The following FER1L6 variants were observed in gnomAD, a reference collection of about 807,000 sequenced individuals.
FER1L6 encodes fer-1 like family member 6, also known as fer-1-like protein 6.
A neutral mutation model predicts 219.2 loss-of-function variants in FER1L6; 177 were observed. The ratio of observed to expected loss-of-function variants is 0.81; its 90% CI spans 0.71 to 0.91. The LOEUF (loss-of-function observed/expected upper bound fraction) is 0.91, where lower values mean the gene tolerates loss of function less well. FER1L6 is among the 40% of genes least tolerant of loss of function. The pLI, the probability that FER1L6 is intolerant of heterozygous loss-of-function variation, is 0.00. For missense variants in FER1L6, 2,153 were observed against 2,259.9 expected (o/e 0.95, Z 0.96); for synonymous variants, 768 against 824.3 (o/e 0.93, Z 1.17).
intron 1 of FER1L6, among the ~76,000 whole-genome samples, chr8:123,862,656 C>T (rs1184819323): frequency 2.8e-5 from 4 of 144,308 alleles, no homozygotes; most frequent in Non-Finnish European, 6.0e-5. Flanking sequence ...ACAATTTCAG[C>T]TCCTGTTATT....
chr8:124,083,602 A>C (rs1821669080), intron 33 of FER1L6, among the ~76,000 whole-genome samples: 1 of 149,304 alleles, frequency 6.7e-6, no homozygotes, highest in Non-Finnish European at 1.5e-5. Flanking sequence ...AAGAACTATA[A>C]AAAGACAAGA....
At chr8:123,886,468 A>G (rs1817205151) in intron 1 of FER1L6, among the ~76,000 whole-genome samples, 2 of 152,164 alleles carry the variant, frequency 1.3e-5, no homozygotes, top group Admixed American at 6.5e-5. Context: ...CCTTTGACCT[A>G]CTGACATGTC....
chr8:124,060,423 G>A, intron 23 of FER1L6, 125 bp from the exon 24 acceptor site: 1 of 1,449,988 alleles, frequency 6.9e-7, no homozygotes, highest in Non-Finnish European at 9.5e-7. Flanking sequence ...AAGCTGTGCA[G>A]TTCTTTCCTG....
chr8:124,081,618 AAAAAAAAG>A (rs1204726038), intron 32 of FER1L6, among the ~76,000 whole-genome samples: 1 of 150,122 alleles, frequency 6.7e-6, no homozygotes, highest in Non-Finnish European at 1.5e-5. Context: ...AAAAAAAAAA[AAAAAAAAG>A]GGCAGGTCCC....
At chr8:124,075,027 G>A (rs1474989164) in intron 31 of FER1L6, among the ~76,000 whole-genome samples, 2 of 152,220 alleles carry the variant, frequency 1.3e-5, no homozygotes, top group Non-Finnish European at 2.9e-5. Flanking sequence ...ACTGAGTGGT[G>A]AGTGAATGTG....
chr8:123,980,449 C>T lies in FER1L6; in HGVS notation c.1064-16C>T. 1 of 1,566,206 alleles carries T rather than the reference C, an allele frequency of 6.4e-7. No homozygotes were observed. The highest frequency in any genetic ancestry group is 8.6e-7 in the Non-Finnish European group (1 of 1,157,330). On this transcript the variant is annotated splice_polypyrimidine_tract_variant and intron_variant, in intron 10 of 40. Coordinates refer to ENST00000522917, the MANE Select transcript of FER1L6 (RefSeq NM_001039112.2). ...CAAAAACATAATGAGATAACTAAAA[C>T]CTGGGGTCTCTCTAGGCTTTCTGCC...
At chr8:123,916,244 C>A (rs899908349) in intron 1 of FER1L6, among the ~76,000 whole-genome samples, 1 of 152,202 alleles carries the variant, frequency 6.6e-6, no homozygotes, top group Non-Finnish European at 1.5e-5. Context: ...TGTCCCTCTG[C>A]CCTCCTGGAC....
intron 32 of FER1L6, among the ~76,000 whole-genome samples, chr8:124,080,806 T>C (rs528757169): frequency 6.6e-6 from 1 of 152,266 alleles, no homozygotes; most frequent in East Asian, 1.9e-4. Flanking sequence ...GGCTGGAGGC[T>C]TCCTTGTGAT....
intron 19 of FER1L6, 96 bp from the exon 20 acceptor site, chr8:124,039,786 G>A (rs1819394789): frequency 1.3e-6 from 2 of 1,515,820 alleles, no homozygotes; most frequent in Admixed American, 1.7e-5. Flanking sequence ...GTCTGTCTGT[G>A]GATACATAGA....
intron 11 of FER1L6, chr8:123,984,679 T>G (rs1281608740): frequency 6.6e-6 from 1 of 152,170 alleles, no homozygotes. Flanking sequence ...AGCCTCACCC[T>G]GTTCGACATT....
At chr8:123,856,467 T>C (rs1459098347) in intron 1 of FER1L6, among the ~76,000 whole-genome samples, 1 of 151,208 alleles carries the variant, frequency 6.6e-6, no homozygotes, top group Non-Finnish European at 1.5e-5. Flanking sequence ...AGCTCTTTCA[T>C]GTCTTAGCAG....
intron 1 of FER1L6, among the ~76,000 whole-genome samples, chr8:123,916,752 T>C (rs1184895005): frequency 6.6e-6 from 1 of 152,150 alleles, no homozygotes; most frequent in Non-Finnish European, 1.5e-5. Context: ...TAGCAGTAAG[T>C]GAACAGCTCC....
intron 1 of FER1L6, among the ~76,000 whole-genome samples, chr8:123,879,676 T>TCTTAC (rs10632572): frequency 6.6e-6 from 1 of 151,382 alleles, no homozygotes; most frequent in Admixed American, 6.6e-5. Flanking sequence ...GCCACTAATA[T>TCTTAC]GTGTATTTGT....
chr8:124,107,515 C>T (rs1436102717), intron 39 of FER1L6, among the ~76,000 whole-genome samples: 1 of 152,058 alleles, frequency 6.6e-6, no homozygotes, highest in African/African-American at 2.4e-5. Context: ...TGTTAAGATC[C>T]GTAGAAGCAT....
chr8:123,877,824 T>A (rs1817031854), intron 1 of FER1L6, among the ~76,000 whole-genome samples: 1 of 151,292 alleles, frequency 6.6e-6, no homozygotes, highest in Non-Finnish European at 1.5e-5. Flanking sequence ...TTTCCTTCCC[T>A]ATAAAAGCTT....
chr8:123,940,990 T>A (rs1449469068), intron 1 of FER1L6, among the ~76,000 whole-genome samples: 1 of 152,142 alleles, frequency 6.6e-6, no homozygotes, highest in Non-Finnish European at 1.5e-5. Context: ...TGGGTGGCAG[T>A]TTTGTCTGTT....
At chr8:123,926,887 T>TTC (rs770989395) in intron 1 of FER1L6, among the ~76,000 whole-genome samples, 1 of 152,034 alleles carries the variant, frequency 6.6e-6, no homozygotes, top group African/African-American at 2.4e-5. Flanking sequence ...GACTACTTAA[T>TTC]TCTCTCTCTC....
chr8:124,072,764 C>T (rs1306164929), intron 31 of FER1L6, among the ~76,000 whole-genome samples: 1 of 152,194 alleles, frequency 6.6e-6, no homozygotes, highest in South Asian at 2.1e-4. Flanking sequence ...AACTTAGAGT[C>T]ACTGACAATG....
intron 2 of FER1L6, among the ~76,000 whole-genome samples, chr8:123,957,222 A>G (rs749408089): frequency 5.3e-5 from 8 of 152,240 alleles, no homozygotes; most frequent in Non-Finnish European, 1.0e-4. Flanking sequence ...CTTATGGTAG[A>G]AAAGTATGGA....
Sources: allele counts gnomAD v4.1 joint callset (sites outside exome capture counted in the v4.1 genomes callset), GRCh38; gene constraint gnomAD v4.1.1; transcripts MANE v1.5; gene names NCBI Gene and HGNC (gene_info 2026-07-23, HGNC 2026-07-21).